CHRNB3: variants seen among roughly 807,000 people sequenced by gnomAD.
The protein encoded by CHRNB3 is cholinergic receptor nicotinic beta 3 subunit.
A neutral mutation model predicts 40.6 loss-of-function variants in CHRNB3; 37 were observed. The observed-to-expected ratio is 0.91, with a 90% CI of 0.70 to 1.20. CHRNB3 has a LOEUF of 1.20. Among genes scored for constraint, CHRNB3 ranks in the 50% most tolerant of loss-of-function variants. CHRNB3 has a pLI of 0.00. For synonymous variants in CHRNB3, 207 were observed against 207.1 expected, an observed-to-expected ratio of 1.00 and a Z score of 0.00; for missense variants, 505 against 551.2, an observed-to-expected ratio of 0.92 and a Z score of 0.84.
intron 5 of CHRNB3, 132 bp from the exon 6 acceptor site, chr8:42,736,352 G>T (rs1816522814): frequency 9.2e-7 from 1 of 1,091,002 alleles, no homozygotes; most frequent in African/African-American, 1.6e-5. Context: ...AGTGTGGTTG[G>T]GACATTAGAT....
chr8:42,736,028 G>A (rs1816517801), intron 5 of CHRNB3, among the ~76,000 whole-genome samples: 1 of 152,020 alleles, frequency 6.6e-6, no homozygotes, highest in Admixed American at 6.6e-5. Context: ...ACCATGCCCA[G>A]CTAATTTTTG....
intron 3 of CHRNB3, among the ~76,000 whole-genome samples, chr8:42,711,964 A>G (rs181840217): frequency 1.3e-4 from 20 of 150,572 alleles, no homozygotes; most frequent in African/African-American, 4.4e-4. Context: ...GTAATATTTG[A>G]TTTTCTAAAG....
intron 1 of CHRNB3, among the ~76,000 whole-genome samples, chr8:42,700,998 G>C (rs1455234841): frequency 2.0e-5 from 3 of 152,006 alleles, no homozygotes; most frequent in Admixed American, 2.0e-4. Context: ...GGGAGGCTGA[G>C]GCATGCAGAT....
chr8:42,702,780 A>G (rs1426604237), intron 1 of CHRNB3, among the ~76,000 whole-genome samples: 1 of 152,216 alleles, frequency 6.6e-6, no homozygotes, highest in Non-Finnish European at 1.5e-5. Context: ...TAAAAAGAAT[A>G]TAATTCTTCC....
At chr8:42,714,582 A>G (rs932622592) in intron 3 of CHRNB3, among the ~76,000 whole-genome samples, 4 of 151,962 alleles carry the variant, frequency 2.6e-5, no homozygotes, top group African/African-American at 4.8e-5. Context: ...GAAAACCAAG[A>G]TAAAACAGAT....
intron 1 of CHRNB3, chr8:42,699,446 T>C (rs760398053): frequency 6.6e-6 from 1 of 152,114 alleles, no homozygotes; most frequent in Non-Finnish European, 1.5e-5. Context: ...CAAGAGGAAA[T>C]AAAAACAAAG....
At chr8:42,705,463 A>G (rs1438919619) in intron 1 of CHRNB3, 1 of 152,162 alleles carries the variant, frequency 6.6e-6, no homozygotes, top group Non-Finnish European at 1.5e-5. Flanking sequence ...GAATGGATTT[A>G]TGCCATTATC....
chr8:42,707,505 G>A (rs111889792), intron 1 of CHRNB3, among the ~76,000 whole-genome samples: 1 of 152,224 alleles, frequency 6.6e-6, no homozygotes, highest in African/African-American at 2.4e-5. Context: ...CTGCACCTGT[G>A]AATGGCCACT....
chr8:42,721,844 C>A (rs1414189764), intron 3 of CHRNB3: 1 of 152,202 alleles, frequency 6.6e-6, no homozygotes, highest in Non-Finnish European at 1.5e-5. Context: ...GTCTTGCCAA[C>A]TCTGATTTGG....
intron 5 of CHRNB3, among the ~76,000 whole-genome samples, chr8:42,734,576 C>T (rs553583187): frequency 6.6e-5 from 10 of 151,668 alleles, no homozygotes; most frequent in South Asian, 4.2e-4. Flanking sequence ...CCCGCCACCA[C>T]GCCTGGCCAA....
intron 2 of CHRNB3, among the ~76,000 whole-genome samples, chr8:42,709,956 C>G (rs1242220057): frequency 1.3e-5 from 2 of 152,196 alleles, no homozygotes; most frequent in Non-Finnish European, 2.9e-5. Context: ...AAAGTGCCTT[C>G]TGGGTCATCC....
chr8:42,727,234 G>C (rs1194586360), intron 3 of CHRNB3, among the ~76,000 whole-genome samples: 2 of 151,800 alleles, frequency 1.3e-5, no homozygotes, highest in East Asian at 3.9e-4. Context: ...TTAGCCGGGC[G>C]TGGTGGCACA....
At chr8:42,708,626 G>T in intron 1 of CHRNB3, 91 bp from the exon 2 acceptor site, 1 of 1,407,852 alleles carries the variant, frequency 7.1e-7, no homozygotes, top group Non-Finnish European at 9.8e-7. Context: ...AGCCTATGGT[G>T]CAGGAGGCCA....
chr8:42,697,569 T>C lies in CHRNB3; in HGVS notation c.23T>C (p.Val8Ala). 1.2e-6 allele frequency: 2 copies of C among 1,613,822 alleles called. No individual in the cohort carries two copies. Among genetic ancestry groups the C allele is most frequent in the East Asian group, 2.2e-5 (1 of 44,894 alleles). The change falls in exon 1 of 6, where the codon GTT (valine) becomes GCT (alanine). Residue 8 changes from valine (V) to alanine (A), a missense_variant. Val to Ala is a moderately conservative substitution (Grantham distance 64). Transcript: ENST00000289957. Reference protein sequence around the residue: MLPDFMLVLIVLGIPSSA... With the variant: MLPDFMLALIVLGIPSSA... ...ACGATGCTCCCAGATTTTATGCTGG[T>C]TCTCATCGTCCTTGGCATCCCTTCC...
At chr8:42,718,382 T>C (rs1816155676) in intron 3 of CHRNB3, among the ~76,000 whole-genome samples, 1 of 151,704 alleles carries the variant, frequency 6.6e-6, no homozygotes, top group African/African-American at 2.4e-5. Flanking sequence ...TAAGAATAAT[T>C]TGGGGACTTG....
At chr8:42,720,377 G>A (rs574851682) in intron 3 of CHRNB3, among the ~76,000 whole-genome samples, 4 of 152,122 alleles carry the variant, frequency 2.6e-5, no homozygotes. Flanking sequence ...GCCTCCCAAA[G>A]TGCTGGAATT....
rs747555836 is a variant in CHRNB3 at position 42,731,790 on chromosome 8, G to T, written c.483G>T (p.Pro161=). The part of the protein sequence containing the change: ...SSCTMDVTFF[P]FDRQNCSMKF... ...GCACCATGGACGTCACGTTTTTCCC[G>T]TTCGACCGACAGAACTGCTCCATGA... is the stretch of plus-strand genomic sequence containing the variant. The change falls in exon 5 of 6, where the codon CCG becomes CCT. Residue 161 remains proline (P), a synonymous_variant. Transcript: ENST00000289957. The T allele has an allele frequency of 6.2e-7, 1 of 1,613,990 alleles. No individual in the cohort carries two copies. The highest frequency in any genetic ancestry group is 8.5e-7 in the Non-Finnish European group (1 of 1,179,992).
At chr8:42,725,353 G>A (rs934028249) in intron 3 of CHRNB3, among the ~76,000 whole-genome samples, 5 of 152,016 alleles carry the variant, frequency 3.3e-5, no homozygotes, top group African/African-American at 7.3e-5. Flanking sequence ...GCCTCCCAAA[G>A]TGCTGGGATT....
chr8:42,736,784 G>A lies in CHRNB3; in HGVS notation c.*166G>A. The A allele has an allele frequency of 1.2e-6, 1 of 861,204 alleles. No homozygotes were observed. The highest frequency in any genetic ancestry group is 1.8e-6 in the Non-Finnish European group (1 of 555,486). The allele number at this position is 861,204 out of a possible 1,614,324, so 53.3% of individuals were successfully genotyped here. On this transcript the variant is annotated 3_prime_UTR_variant, in exon 6 of 6. Transcript: ENST00000289957. ...AACTCTGGTAAATGTGCTCATTTGT[G>A]GTTGCCATGAGAGTGAGCTGCTTTT...
Sources: allele counts gnomAD v4.1 joint callset (sites outside exome capture counted in the v4.1 genomes callset), GRCh38; gene constraint gnomAD v4.1.1; transcripts MANE v1.5; gene names NCBI Gene and HGNC (gene_info 2026-07-23, HGNC 2026-07-21).